The following SMOC2 variants were observed in gnomAD, a reference collection of about 807,000 sequenced individuals.
SMOC2 encodes the protein SPARC-related modular calcium-binding protein 2.
Under a neutral mutation model 61.4 loss-of-function variants are expected in SMOC2, and 39 were observed. The ratio of observed to expected loss-of-function variants is 0.64; its 90% CI spans 0.49 to 0.83. The LOEUF is 0.83. SMOC2 is among the 40% of genes least tolerant of loss of function. The pLI is 0.00. For synonymous variants in SMOC2, 247 were observed against 239.9 expected, an observed-to-expected ratio of 1.03 and a Z score of -0.27; for missense variants, 556 against 592.9, an observed-to-expected ratio of 0.94 and a Z score of 0.65.
chr6:168,456,476 T>C (rs1337581852), intron 1 of SMOC2, among the ~76,000 whole-genome samples: 1 of 152,222 alleles, frequency 6.6e-6, no homozygotes, highest in Non-Finnish European at 1.5e-5. Flanking sequence ...CCAGGTACCT[T>C]CGGTGCTGCG....
At chr6:168,634,063 A>T (rs1476337110) in intron 9 of SMOC2, among the ~76,000 whole-genome samples, 1 of 152,218 alleles carries the variant, frequency 6.6e-6, no homozygotes, top group Non-Finnish European at 1.5e-5. Flanking sequence ...AAGTTTCCTG[A>T]GGTTTTCCTA....
intron 2 of SMOC2, among the ~76,000 whole-genome samples, chr6:168,523,658 C>T (rs1281862867): frequency 2.6e-5 from 4 of 152,072 alleles, no homozygotes; most frequent in African/African-American, 9.7e-5. Context: ...CTCAGCCTCC[C>T]AAAGTGCTGG....
In SMOC2 at chr6:168,667,431, G is replaced by A. The variant is rs772129221; in HGVS notation, c.*993G>A. The stretch of plus-strand genomic sequence containing the variant: ...CCGGGGCTGGTGTTGGCAGCCGGGG[G>A]GAGGTGCCTGAGGGTCCCCACGGTT... On this transcript the variant is annotated 3_prime_UTR_variant, in exon 13 of 13. Coordinates refer to ENST00000356284, the MANE Select transcript of SMOC2 (RefSeq NM_001166412.2). 6.6e-6 allele frequency: 1 copy of A among 152,224 alleles called. No homozygotes were observed. Among genetic ancestry groups the A allele is most frequent in the Admixed American group, 6.5e-5 (1 of 15,274 alleles). 9.4% of individuals were successfully genotyped at this position (152,224 alleles called of 1,614,324 possible).
At chr6:168,612,853 C>T (rs944066718) in intron 9 of SMOC2, among the ~76,000 whole-genome samples, 7 of 152,172 alleles carry the variant, frequency 4.6e-5, no homozygotes, top group African/African-American at 1.4e-4. Flanking sequence ...GCCCAGTCGC[C>T]GGCAGGTTCA....
At chr6:168,575,098 G>T (rs553471134) in intron 7 of SMOC2, among the ~76,000 whole-genome samples, 9 of 152,266 alleles carry the variant, frequency 5.9e-5, no homozygotes, top group Admixed American at 3.3e-4. Flanking sequence ...GTGTCTGTGG[G>T]GAAAGGTTTG....
chr6:168,565,696 C>A (rs1314307372), intron 7 of SMOC2, among the ~76,000 whole-genome samples: 1 of 152,192 alleles, frequency 6.6e-6, no homozygotes, highest in Non-Finnish European at 1.5e-5. Context: ...AAAGGCTCAG[C>A]ATGGAGCTGA....
chr6:168,543,581 G>A, intron 4 of SMOC2, 44 bp from the exon 5 acceptor site: 2 of 1,557,072 alleles, frequency 1.3e-6, no homozygotes, highest in Non-Finnish European at 1.8e-6. Context: ...GGCCATTTAA[G>A]AGTCCAAAAT....
chr6:168,624,883 AAAC>A (rs1321802752), intron 9 of SMOC2, among the ~76,000 whole-genome samples: 2 of 150,610 alleles, frequency 1.3e-5, no homozygotes, highest in African/African-American at 2.4e-5. Flanking sequence ...ACACACACAC[AAAC>A]ACAGATACAT....
At chr6:168,464,450 T>C (rs1435978423) in intron 1 of SMOC2, among the ~76,000 whole-genome samples, 3 of 152,150 alleles carry the variant, frequency 2.0e-5, no homozygotes, top group Non-Finnish European at 1.5e-5. Flanking sequence ...CATTCCTGGA[T>C]GTATTATTTC....
chr6:168,601,895 GAA>G (rs933777926), intron 8 of SMOC2, among the ~76,000 whole-genome samples: 3 of 152,226 alleles, frequency 2.0e-5, no homozygotes, highest in African/African-American at 7.2e-5. Flanking sequence ...ATGGCAGAAA[GAA>G]AAGTCTCTGG....
At chr6:168,618,622 A>G (rs993141631) in intron 9 of SMOC2, among the ~76,000 whole-genome samples, 1 of 152,070 alleles carries the variant, frequency 6.6e-6, no homozygotes, top group Non-Finnish European at 1.5e-5. Flanking sequence ...AGTGGCATTA[A>G]GAGGCGAGTC....
In SMOC2 at chr6:168,482,543, A is replaced by G. The variant is rs572377913; in HGVS notation, c.85-27372A>G. Among the ~76,000 whole-genome samples, 6 of 152,208 alleles carry G rather than the reference A, an allele frequency of 3.9e-5. No homozygotes were observed. The East Asian group carries it at 9.7e-4, about 24-fold the overall frequency. On this transcript the variant is annotated intron_variant, in intron 1 of 12. Coordinates refer to ENST00000356284, the MANE Select transcript of SMOC2 (RefSeq NM_001166412.2). Reference sequence around the variant, plus strand: ...GATTTAAGAAGAGGGAACACTTTCTAATTCTTTGTATGAGGCCAGTATTAT... The same window carrying G: ...GATTTAAGAAGAGGGAACACTTTCTGATTCTTTGTATGAGGCCAGTATTAT...
chr6:168,499,162 A>C (rs929984357), intron 1 of SMOC2, among the ~76,000 whole-genome samples: 1 of 151,846 alleles, frequency 6.6e-6, no homozygotes, highest in East Asian at 1.9e-4. Flanking sequence ...TCTACTACAC[A>C]TGGAAACCCT....
At chr6:168,525,390 T>C (rs1411752525) in intron 2 of SMOC2, among the ~76,000 whole-genome samples, 1 of 152,210 alleles carries the variant, frequency 6.6e-6, no homozygotes, top group Non-Finnish European at 1.5e-5. Context: ...CAACCGACTT[T>C]GTGGTCCTCA....
In SMOC2 at chr6:168,527,672, C is replaced by T; in HGVS notation, c.408C>T (p.Pro136=). ...SYTGYCWCVT[P]NGRPISGTAV... Reference sequence around the variant, plus strand: ...CGGGATACTGCTGGTGCGTCACGCCCAACGGGAGGCCCATCAGCGGCACTG... The same window carrying T: ...CGGGATACTGCTGGTGCGTCACGCCTAACGGGAGGCCCATCAGCGGCACTG... Residue 136 remains proline (P), a synonymous_variant, in exon 4 of 13, where the codon CCC becomes CCT. Coordinates refer to ENST00000356284, the MANE Select transcript of SMOC2 (RefSeq NM_001166412.2). The T allele has an allele frequency of 1.3e-6, 2 of 1,552,598 alleles. No individual in the cohort carries two copies. Among genetic ancestry groups the T allele is most frequent in the Non-Finnish European group, 1.7e-6 (2 of 1,147,712 alleles).
At chr6:168,633,614 C>T (rs1786629763) in intron 9 of SMOC2, among the ~76,000 whole-genome samples, 4 of 152,148 alleles carry the variant, frequency 2.6e-5, no homozygotes, top group Admixed American at 6.5e-5. Flanking sequence ...GGCCACTTGT[C>T]ATTGAGGCAG....
At chr6:168,603,349 G>A (rs548742786) in intron 8 of SMOC2, among the ~76,000 whole-genome samples, 9 of 151,474 alleles carry the variant, frequency 5.9e-5, no homozygotes, top group African/African-American at 2.2e-4. Context: ...TGGGGCAGAT[G>A]GGGAGCAGCT....
intron 2 of SMOC2, among the ~76,000 whole-genome samples, chr6:168,518,766 TGC>T (rs1783223969): frequency 1.3e-5 from 2 of 151,216 alleles, no homozygotes; most frequent in African/African-American, 4.9e-5. Flanking sequence ...TGTGTTCATG[TGC>T]GTGTGTGCAT....
At chr6:168,446,523 T>C (rs1781336894) in intron 1 of SMOC2, among the ~76,000 whole-genome samples, 1 of 152,244 alleles carries the variant, frequency 6.6e-6, no homozygotes, top group South Asian at 2.1e-4. Context: ...CATTGAGTAA[T>C]AGAGCAAGAT....
Sources: gnomAD v4.1 joint callset for allele counts (sites outside exome capture counted in the v4.1 genomes callset) on GRCh38, gnomAD v4.1.1 for gene constraint, MANE v1.5 for transcripts, NCBI Gene and HGNC (gene_info 2026-07-23, HGNC 2026-07-21) for gene names.